The following DYNC1H1 variants were observed in gnomAD, a reference collection of about 807,000 sequenced individuals.
The protein encoded by DYNC1H1 is cytoplasmic dynein 1 heavy chain 1.
Under a neutral mutation model 527.1 loss-of-function variants are expected in DYNC1H1, and 51 were observed. The ratio of observed to expected loss-of-function variants is 0.10; its 90% confidence interval spans 0.08 to 0.12. DYNC1H1 has a LOEUF of 0.12. Among genes scored for constraint, DYNC1H1 ranks in the 10% least tolerant of loss-of-function variants. The pLI, the probability that DYNC1H1 is intolerant of heterozygous loss-of-function variation, is 1.00. For missense variants in DYNC1H1, 2,771 were observed against 5,971.8 expected (o/e 0.46, Z 17.66); for synonymous variants, 2,189 against 2,278.8 (o/e 0.96, Z 1.12).
chr14:102,012,242 A>G lies in DYNC1H1; in HGVS notation c.6858-72A>G, dbSNP rs1365316108. 14 of 1,613,360 alleles carry G rather than the reference A, an allele frequency of 8.7e-6. No individual in the cohort carries two copies. In the South Asian group the frequency reaches 9.9e-5, roughly 11 times the overall value. ...CAAATTAAAGGTCATTTCAGAAACCATCATCGGTAAACATGCCTAATGTTA... is the reference window on the plus strand; with the variant it reads ...CAAATTAAAGGTCATTTCAGAAACCGTCATCGGTAAACATGCCTAATGTTA... On this transcript the variant is annotated intron_variant, in intron 33 of 77. Transcript: ENST00000360184. This position sits in a 1 kb window ranked among gnomAD's most constrained non-coding sequence, Gnocchi z 4.9.
At position 101,979,601 on chromosome 14, in the gene DYNC1H1, TA is replaced by T; in HGVS notation, c.518+110del. ...GGGTAACGCTAGTGAGCCGAGGGGA[TA>T]TAAACCCTGTGTATTAATAAATATG... On this transcript the variant is annotated intron_variant, in intron 3 of 77. Coordinates refer to ENST00000360184, the MANE Select transcript of DYNC1H1 (RefSeq NM_001376.5). The surrounding 1 kb of genome is among the most constrained non-coding windows in gnomAD (Gnocchi z 4.6). 1 of 1,606,228 alleles carries T rather than the reference TA, an allele frequency of 6.2e-7. No individual in the cohort carries two copies. The highest frequency in any genetic ancestry group is 1.7e-4 in the Middle Eastern group (1 of 6,012).
At position 101,979,398 on chromosome 14, in the gene DYNC1H1, G is replaced by C; in HGVS notation, c.424G>C (p.Glu142Gln). ...TCAGCTCCGGGTCCTTACACTCAGT[G>C]AAGACTCGCCCTACGAAACTTTGCA... Reference protein sequence around the residue: ...SSQLRVLTLSEDSPYETLHSF... With the variant: ...SSQLRVLTLSQDSPYETLHSF... The change falls in exon 3 of 78, where the codon GAA becomes CAA. Residue 142 changes from glutamate to glutamine, a missense_variant. Glu to Gln is a conservative substitution (Grantham distance 29). Coordinates refer to ENST00000360184, the MANE Select transcript of DYNC1H1 (RefSeq NM_001376.5). The surrounding 1 kb of genome is among the most constrained non-coding windows in gnomAD (Gnocchi z 4.6). 6.2e-7 allele frequency: 1 copy of C among 1,614,210 alleles called. No homozygotes were observed. The highest frequency in any genetic ancestry group is 8.5e-7 in the Non-Finnish European group (1 of 1,180,044).
At chr14:102,037,109 A>G (rs10136974) in intron 57 of DYNC1H1, 41,335 of 201,084 alleles carry the variant, frequency 0.21, 6,928 homozygotes, top group African/African-American at 0.51. Flanking sequence ...AAAAAAAAAA[A>G]ATTATATTCA....
chr14:102,019,229 T>C (rs1567013811), intron 41 of DYNC1H1, among the ~76,000 whole-genome samples: 1 of 152,252 alleles, frequency 6.6e-6, no homozygotes, highest in Non-Finnish European at 1.5e-5. Flanking sequence ...CAGCACCCGC[T>C]TCCCTGTATT....
In DYNC1H1 at chr14:101,998,185, T is replaced by A. The variant is rs192947529; in HGVS notation, c.3804+911T>A. ...CCCCTCTCCCCTCTATAAACGCTGA[T>A]CCGATAACACAAACGCCTGGACCCC... On this transcript the variant is annotated intron_variant, in intron 16 of 77. Coordinates refer to ENST00000360184, the MANE Select transcript of DYNC1H1 (RefSeq NM_001376.5). Among the ~76,000 whole-genome samples the A allele has an allele frequency of 3.3e-3, 508 of 152,206 alleles. 7 individuals are homozygous for A. The highest frequency in any genetic ancestry group is 0.031 in the Admixed American group (468 of 15,266).
intron 56 of DYNC1H1, chr14:102,035,745 CAT>C (rs1312549336): frequency 2.0e-5 from 3 of 152,348 alleles, no homozygotes; most frequent in South Asian, 2.1e-4. Context: ...CACACTGACA[CAT>C]GTGTCTGTAA....
Position 102,010,718 on chromosome 14 carries a change from C to G in DYNC1H1, c.6406-22C>G. 1 of 1,611,904 alleles carries G rather than the reference C, an allele frequency of 6.2e-7. No homozygotes were observed. Among genetic ancestry groups the G allele is most frequent in the Non-Finnish European group, 8.5e-7 (1 of 1,179,674 alleles). On this transcript the variant is annotated intron_variant, in intron 31 of 77. Transcript: ENST00000360184. This position sits in a 1 kb window ranked among gnomAD's most constrained non-coding sequence, Gnocchi z 6.0. Reference sequence around the variant, plus strand: ...TACTTGAGCCATGCTGCGCTGCTCACAGCCCAGCCCTCTCCCCGTAGATTC... The same window carrying G: ...TACTTGAGCCATGCTGCGCTGCTCAGAGCCCAGCCCTCTCCCCGTAGATTC...
chr14:101,993,786 A>G (rs1235166016), intron 11 of DYNC1H1, among the ~76,000 whole-genome samples: 2 of 152,056 alleles, frequency 1.3e-5, no homozygotes, highest in African/African-American at 4.8e-5. Context: ...ACCACCTGAC[A>G]TTCTGTGTGT....
chr14:102,020,100 C>T lies in DYNC1H1; in HGVS notation c.8507+44C>T. The T allele has an allele frequency of 6.2e-7, 1 of 1,609,524 alleles. No homozygotes were observed. Among genetic ancestry groups the T allele is most frequent in the Non-Finnish European group, 8.5e-7 (1 of 1,177,888 alleles). On this transcript the variant is annotated intron_variant, in intron 42 of 77. Coordinates refer to ENST00000360184, the MANE Select transcript of DYNC1H1 (RefSeq NM_001376.5). This position sits in a 1 kb window ranked among gnomAD's most constrained non-coding sequence, Gnocchi z 4.3. The stretch of plus-strand genomic sequence containing the variant: ...CCAGTTGGTCCCATTCTCCCCTGCT[C>T]TGAGTTCTTACAGCTGTCGAAGCTG...
intron 9 of DYNC1H1, 73 bp downstream of exon 9, chr14:101,987,705 C>T: frequency 6.5e-7 from 1 of 1,531,542 alleles, no homozygotes; most frequent in Non-Finnish European, 9.0e-7. Flanking sequence ...ATTAGTTTGT[C>T]ACTAAAAAGC....
At chr14:102,004,313 A>G (rs1326601502) in intron 23 of DYNC1H1, among the ~76,000 whole-genome samples, 2 of 152,358 alleles carry the variant, frequency 1.3e-5, no homozygotes, top group East Asian at 3.8e-4. Context: ...CTTTGCATTC[A>G]TTGAATTCCT....
rs758784043 is a variant in DYNC1H1, at chr14:102,044,695, C to A, written c.13003C>A (p.Gln4335Lys). Reference protein sequence around the residue: ...NNAERVLLTTQGVDMISKMLK... With the variant: ...NNAERVLLTTKGVDMISKMLK... ...CGCCGAGAGAGTCCTCCTTACCACA[C>A]AGGGTAGGCAACAAGGATCCTCCCC... Residue 4335 changes from glutamine (Q) to lysine (K), a missense_variant, in exon 72 of 78, where the codon CAG (glutamine) becomes AAG (lysine). By Grantham distance (53) the Gln-to-Lys change is moderately conservative. Around this residue, in one of 32 missense-constraint regions of DYNC1H1, gnomAD observed 170 missense variants for 249.8 expected, o/e 0.68. Transcript: ENST00000360184. This position sits in a 1 kb window ranked among gnomAD's most constrained non-coding sequence, Gnocchi z 7.1. 1.2e-6 allele frequency: 2 copies of A among 1,613,708 alleles called. No individual in the cohort carries two copies. Among genetic ancestry groups the A allele is most frequent in the Non-Finnish European group, 1.7e-6 (2 of 1,180,004 alleles).
chr14:102,005,749 T>C lies in DYNC1H1; in HGVS notation c.5434-139T>C. 9.8e-7 allele frequency: 1 copy of C among 1,016,394 alleles called. No homozygotes were observed. Among genetic ancestry groups the C allele is most frequent in the East Asian group, 2.5e-5 (1 of 40,214 alleles). 63.0% of individuals were successfully genotyped at this position (1,016,394 alleles called of 1,614,324 possible). A position where few individuals can be genotyped will look rare whatever the true frequency, so the allele number is the denominator to read the frequency against. Reference sequence around the variant, plus strand: ...CATTTCTCTCATCTCTGAAAGTGAATTTGCCTTTTGGAACATTTACTGAAA... The same window carrying C: ...CATTTCTCTCATCTCTGAAAGTGAACTTGCCTTTTGGAACATTTACTGAAA... On this transcript the variant is annotated intron_variant, in intron 26 of 77. Transcript: ENST00000360184. The surrounding 1 kb of genome is among the most constrained non-coding windows in gnomAD (Gnocchi z 4.0).
rs539720195 is a variant in DYNC1H1 at position 102,007,111 on chromosome 14, G to A, written c.5817+3G>A. The A allele has an allele frequency of 1.2e-6, 2 of 1,614,144 alleles. No individual in the cohort carries two copies. The highest frequency in any genetic ancestry group is 1.7e-5 in the Admixed American group (1 of 60,008). On this transcript the variant is annotated splice_donor_region_variant and intron_variant, in intron 28 of 77. Coordinates refer to ENST00000360184, the MANE Select transcript of DYNC1H1 (RefSeq NM_001376.5). Reference sequence around the variant, plus strand: ...GTGATGAAACCTTTGATTTCCAGGTGAGACACTTTATGGGATCCACCTAAA... The same window carrying A: ...GTGATGAAACCTTTGATTTCCAGGTAAGACACTTTATGGGATCCACCTAAA...
chr14:102,036,901 T>C lies in DYNC1H1; in HGVS notation c.10908+259T>C. 2.5e-6 allele frequency: 1 copy of C among 397,716 alleles called. No individual in the cohort carries two copies. The highest frequency in any genetic ancestry group is 4.7e-6 in the Non-Finnish European group (1 of 210,784). 24.6% of individuals were successfully genotyped at this position (397,716 alleles called of 1,614,324 possible). ...CGGGTGGATCATCTAAGGTCAGGAA[T>C]TCAAGAAAAGCCTGGCTAAACCCCA... On this transcript the variant is annotated intron_variant, in intron 57 of 77. Transcript: ENST00000360184. This position sits in a 1 kb window ranked among gnomAD's most constrained non-coding sequence, Gnocchi z 5.6.
rs1178964821 is a variant in DYNC1H1 at position 102,040,627 on chromosome 14, C to A, written c.11895C>A (p.Ser3965=). ...TTGGCATCTGGCTGGACAGCAGCTCCCCGGAGCAGACTGTGCCCTACCTCT... is the reference window on the plus strand; with the variant it reads ...TTGGCATCTGGCTGGACAGCAGCTCACCGGAGCAGACTGTGCCCTACCTCT... ...EQFGIWLDSS[S]PEQTVPYLWS... The change falls in exon 64 of 78, where the codon TCC becomes TCA. Residue 3965 remains serine (S), a synonymous_variant. Coordinates refer to ENST00000360184, the MANE Select transcript of DYNC1H1 (RefSeq NM_001376.5). 5 of 1,614,062 alleles carry A rather than the reference C, an allele frequency of 3.1e-6. No homozygotes were observed. The African/African-American group carries it at 6.7e-5, about 22-fold the overall frequency.
At chr14:101,976,804 T>C (rs1027762254) in intron 2 of DYNC1H1, among the ~76,000 whole-genome samples, 4 of 152,102 alleles carry the variant, frequency 2.6e-5, no homozygotes, top group African/African-American at 9.7e-5. Flanking sequence ...CAACCACAGA[T>C]AGAAAATATT....
At chr14:102,043,541 C>T (rs1453212986) in intron 69 of DYNC1H1, 1 of 377,500 alleles carries the variant, frequency 2.6e-6, no homozygotes, top group Non-Finnish European at 5.1e-6. Context: ...AAGACCGAAA[C>T]TCTTGGGCGA....
At position 102,042,110 on chromosome 14, in the gene DYNC1H1, C is replaced by G; in HGVS notation, c.12200C>G (p.Thr4067Ser). Reference sequence around the variant, plus strand: ...GCAGCCGAGCAGAACACGCAGATCACTTCAATTGCAATCGGTAAGGATGCT... The same window carrying G: ...GCAGCCGAGCAGAACACGCAGATCAGTTCAATTGCAATCGGTAAGGATGCT... ...DLAAEQNTQI[T>S]SIAIGSAEGF... The change falls in exon 66 of 78, where the codon ACT becomes AGT. Residue 4067 changes from threonine to serine, a missense_variant. By Grantham distance (58) the Thr-to-Ser change is moderately conservative. Transcript: ENST00000360184. This position sits in a 1 kb window ranked among gnomAD's most constrained non-coding sequence, Gnocchi z 5.7. 1.2e-6 allele frequency: 2 copies of G among 1,614,130 alleles called. No individual in the cohort carries two copies. Among genetic ancestry groups the G allele is most frequent in the Non-Finnish European group, 1.7e-6 (2 of 1,180,036 alleles).
Sources: allele counts gnomAD v4.1 joint callset (sites outside exome capture counted in the v4.1 genomes callset), GRCh38; gene constraint gnomAD v4.1.1; regional missense constraint gnomAD v4.1.1; non-coding constraint Gnocchi (gnomAD v3.1); transcripts MANE v1.5; gene names NCBI Gene and HGNC (gene_info 2026-07-23, HGNC 2026-07-21).